Variants in JAKMIP3 observed in about 807,000 individuals in gnomAD.
JAKMIP3 encodes the protein janus kinase and microtubule-interacting protein 3.
In JAKMIP3, 58 loss-of-function variants were observed where a neutral mutation model predicts 118.5. The observed-to-expected ratio is 0.49, with a 90% CI of 0.40 to 0.61. JAKMIP3 has a LOEUF of 0.61. Among genes scored for constraint, JAKMIP3 ranks in the 20% least tolerant of loss-of-function variants. The pLI, the probability that JAKMIP3 is intolerant of heterozygous loss-of-function variation, is 0.00. For synonymous variants in JAKMIP3, 486 were observed against 451.2 expected (o/e 1.08, Z -0.98); for missense variants, 950 against 1,109.0 (o/e 0.86, Z 2.04).
At chr10:132,175,410 C>T (rs1433367547) in intron 23 of JAKMIP3, among the ~76,000 whole-genome samples, 1 of 152,122 alleles carries the variant, frequency 6.6e-6, no homozygotes, top group Non-Finnish European at 1.5e-5. Context: ...CTGCTTGGCT[C>T]TGTGGTCAGT....
chr10:132,095,785 T>A (rs1338506786), intron 1 of JAKMIP3, among the ~76,000 whole-genome samples: 1 of 152,166 alleles, frequency 6.6e-6, no homozygotes, highest in Non-Finnish European at 1.5e-5. Flanking sequence ...TCCTGATAGG[T>A]GTTTTTGAGC....
upstream of JAKMIP3, among the ~76,000 whole-genome samples, chr10:132,062,525 C>T (rs551631891): frequency 8.0e-5 from 10 of 124,644 alleles, no homozygotes; most frequent in East Asian, 9.4e-4. Context: ...GGGGATACAG[C>T]GAAGATGGAC....
chr10:132,134,437 A>G (rs1016887067), intron 4 of JAKMIP3, among the ~76,000 whole-genome samples: 1 of 152,252 alleles, frequency 6.6e-6, no homozygotes, highest in Non-Finnish European at 1.5e-5. Context: ...CATTCACTCC[A>G]GAGAGATCTG....
intron 4 of JAKMIP3, 94 bp from the exon 5 acceptor site, chr10:132,134,947 G>T: frequency 6.8e-7 from 1 of 1,475,770 alleles, no homozygotes; most frequent in South Asian, 1.2e-5. Flanking sequence ...CGCGTCCCAC[G>T]GCAGCGTTTT....
chr10:132,177,487 G>A (rs1328461700), intron 23 of JAKMIP3, among the ~76,000 whole-genome samples: 3 of 122,232 alleles, frequency 2.5e-5, no homozygotes, highest in African/African-American at 5.3e-5. Flanking sequence ...GCATTTGGTC[G>A]TGGTGTGTAT....
In JAKMIP3 at chr10:132,157,225, G is replaced by A. The variant is rs10159650; in HGVS notation, c.2220+3235G>A. On this transcript the variant is annotated intron_variant, in intron 19 of 23. Transcript: ENST00000684848. The stretch of plus-strand genomic sequence containing the variant: ...GTTCTCTTCTCCTTCTCTGAAGTGC[G>A]GGGTGTAACCACATGTGTGCGCACG... 6.5e-3 allele frequency among the ~76,000 whole-genome samples: 996 copies of A among 152,206 alleles called. 12 individuals are homozygous for A. The highest frequency in any genetic ancestry group is 0.023 in the African/African-American group (941 of 41,530).
intron 1 of JAKMIP3, among the ~76,000 whole-genome samples, chr10:132,094,728 G>T (rs1406139918): frequency 6.6e-6 from 1 of 152,146 alleles, no homozygotes; most frequent in African/African-American, 2.4e-5. Context: ...GGGAGGTGGA[G>T]CTTTCCAGAG....
At chr10:132,057,432 G>A (rs549791292) in intron 1 of JAKMIP3, among the ~76,000 whole-genome samples, 42 of 152,314 alleles carry the variant, frequency 2.8e-4, no homozygotes, top group Non-Finnish European at 1.3e-4. Context: ...GCACGCCGCC[G>A]ACTGCCTTGC....
At chr10:132,051,961 G>A (rs1194325489) in intron 1 of JAKMIP3, among the ~76,000 whole-genome samples, 1 of 152,178 alleles carries the variant, frequency 6.6e-6, no homozygotes, top group Non-Finnish European at 1.5e-5. Flanking sequence ...CAGGTGTGGT[G>A]GCTCACACCC....
At position 132,138,082 on chromosome 10, in the gene JAKMIP3, C is replaced by T. The variant is rs764110976; in HGVS notation, c.1285-37C>T. ...GTGGACTGAAACCGGTGGAGCTGCT[C>T]TACCACTTACACAACCTCTTCAACT... On this transcript the variant is annotated intron_variant, in intron 8 of 23. Coordinates refer to ENST00000684848, the MANE Select transcript of JAKMIP3 (RefSeq NM_001323087.2). 5.6e-6 allele frequency: 9 copies of T among 1,593,800 alleles called. No homozygotes were observed. The African/African-American group carries it at 1.2e-4, about 21-fold the overall frequency.
rs536251200 is a variant in JAKMIP3, at chr10:132,125,588, A to C, written c.634-7724A>C. 3.9e-5 allele frequency among the ~76,000 whole-genome samples: 6 copies of C among 152,392 alleles called. No individual in the cohort carries two copies. The South Asian group carries it at 1.2e-3, about 32-fold the overall frequency. ...TAAATCAGCTTGTCAGTTTCCACAG[A>C]AAAACTGGCACCTTGAACCTTAATG... is the stretch of plus-strand genomic sequence containing the variant. On this transcript the variant is annotated intron_variant, in intron 3 of 23. Transcript: ENST00000684848.
upstream of JAKMIP3, among the ~76,000 whole-genome samples, chr10:132,064,438 C>T (rs1407530213): frequency 6.6e-6 from 1 of 152,174 alleles, no homozygotes; most frequent in East Asian, 1.9e-4. This position sits in a 1 kb window ranked among gnomAD's most constrained non-coding sequence, Gnocchi z 4.4. Context: ...GGCGTGGACC[C>T]CGAGCCGCCG....
At chr10:132,151,029 C>T (rs1387123300) in intron 16 of JAKMIP3, among the ~76,000 whole-genome samples, 1 of 152,046 alleles carries the variant, frequency 6.6e-6, no homozygotes, top group East Asian at 1.9e-4. Flanking sequence ...TCCATCCATT[C>T]CTTCTCCATC....
At chr10:132,093,837 G>A (rs1176929549) in intron 1 of JAKMIP3, among the ~76,000 whole-genome samples, 1 of 152,014 alleles carries the variant, frequency 6.6e-6, no homozygotes, top group African/African-American at 2.4e-5. Context: ...CACTCACCCT[G>A]GGAGCTGTAG....
chr10:132,072,974 T>C (rs2040208996), intron 1 of JAKMIP3, among the ~76,000 whole-genome samples: 1 of 152,218 alleles, frequency 6.6e-6, no homozygotes, highest in Admixed American at 6.5e-5. Context: ...TCCCATCATT[T>C]AGCTCCCACT....
chr10:132,041,659 CAT>C (rs969437140), intron 1 of JAKMIP3, among the ~76,000 whole-genome samples: 3 of 152,322 alleles, frequency 2.0e-5, no homozygotes, highest in Admixed American at 6.5e-5. Context: ...AAGCTGGAAA[CAT>C]AGCACGCTGG....
At chr10:132,111,699 C>T (rs75662202) in intron 2 of JAKMIP3, among the ~76,000 whole-genome samples, 15,616 of 152,264 alleles carry the variant, frequency 0.1, 1,036 homozygotes, top group Admixed American at 0.23. Context: ...TTGGGCCATG[C>T]TCCAGGCACA....
At chr10:132,170,292 C>G (rs2059360730) in intron 23 of JAKMIP3, 1 of 152,372 alleles carries the variant, frequency 6.6e-6, no homozygotes, top group South Asian at 2.1e-4. Context: ...CCGAGGGCGG[C>G]TGGGGACAGG....
At chr10:132,130,407 G>A (rs1199613330) in intron 3 of JAKMIP3, among the ~76,000 whole-genome samples, 1 of 152,250 alleles carries the variant, frequency 6.6e-6, no homozygotes, top group African/African-American at 2.4e-5. Flanking sequence ...AGCCTTTTCT[G>A]TCTCACAAGG....
Sources: gnomAD v4.1 joint callset for allele counts (sites outside exome capture counted in the v4.1 genomes callset) on GRCh38, gnomAD v4.1.1 for gene constraint, Gnocchi (gnomAD v3.1) non-coding constraint, MANE v1.5 for transcripts, NCBI Gene and HGNC (gene_info 2026-07-23, HGNC 2026-07-21) for gene names.